The following MCC variants were observed in gnomAD, a reference collection of about 807,000 sequenced individuals.
MCC encodes the protein MCC regulator of Wnt signaling pathway.
MCC carries 90 observed loss-of-function variants against 116.2 expected under a neutral mutation model. The observed-to-expected ratio is 0.77, with a 90% confidence interval of 0.65 to 0.92. The LOEUF (loss-of-function observed/expected upper bound fraction) is 0.92. MCC is among the 40% of genes least tolerant of loss of function. The pLI, the probability that MCC is intolerant of heterozygous loss-of-function variation, is 0.00. For synonymous variants in MCC, 578 were observed against 510.5 expected (o/e 1.13, Z -1.78); for missense variants, 1,516 against 1,312.2 (o/e 1.16, Z -2.40).
chr5:113,378,688 G>A (rs1422137751), intron 2 of MCC, among the ~76,000 whole-genome samples: 1 of 152,168 alleles, frequency 6.6e-6, no homozygotes, highest in Non-Finnish European at 1.5e-5. Flanking sequence ...GGCAATCCCT[G>A]CCCCTTCAGT....
chr5:113,169,625 C>G (rs193084876), intron 3 of MCC, among the ~76,000 whole-genome samples: 1 of 151,850 alleles, frequency 6.6e-6, no homozygotes, highest in African/African-American at 2.4e-5. Flanking sequence ...TTCAGAAGCT[C>G]TATATGGGGT....
intron 3 of MCC, among the ~76,000 whole-genome samples, chr5:113,265,998 G>C (rs1438885107): frequency 6.6e-6 from 1 of 152,102 alleles, no homozygotes; most frequent in African/African-American, 2.4e-5. Context: ...AATTTAGGAA[G>C]AGAGACAGTA....
chr5:113,417,955 A>G (rs972151813), intron 1 of MCC, among the ~76,000 whole-genome samples: 2 of 152,158 alleles, frequency 1.3e-5, no homozygotes, highest in African/African-American at 4.8e-5. Context: ...AAAGTCATAC[A>G]AAAGTGAAAA....
chr5:113,429,979 C>T (rs534518934), intron 1 of MCC, among the ~76,000 whole-genome samples: 1 of 152,298 alleles, frequency 6.6e-6, no homozygotes, highest in African/African-American at 2.4e-5. Context: ...TCACAACAGT[C>T]ACTGTGATCT....
chr5:113,101,883 C>T lies in MCC; in HGVS notation c.1254G>A (p.Arg418=), dbSNP rs944850994. The T allele has an allele frequency of 2.5e-6, 4 of 1,614,054 alleles. No homozygotes were observed. The highest frequency in any genetic ancestry group is 2.5e-6 in the Non-Finnish European group (3 of 1,180,048). The part of the protein sequence containing the change: ...RDLYPNLAEE[R]SRWEKELAGL... ...CAGCCAGCTCCTTCTCCCACCGAGA[C>T]CTCTCTTCAGCCAGGTTGGGATACA... Residue 418 remains arginine, a synonymous_variant, in exon 8 of 19, where the codon AGG becomes AGA. Transcript: ENST00000408903.
intron 3 of MCC, among the ~76,000 whole-genome samples, chr5:113,220,423 G>T (rs1763506512): frequency 6.6e-6 from 1 of 152,018 alleles, no homozygotes; most frequent in Admixed American, 6.6e-5. Flanking sequence ...TCAATTGAGA[G>T]AATTTATATC....
intron 3 of MCC, among the ~76,000 whole-genome samples, chr5:113,194,493 T>A (rs1762297246): frequency 6.6e-6 from 1 of 152,038 alleles, no homozygotes; most frequent in South Asian, 2.1e-4. Context: ...AGTAAGAATC[T>A]GTCTGTACAA....
chr5:113,023,850 G>A lies in MCC; in HGVS notation c.*3452C>T, dbSNP rs189837364. 4.6e-5 allele frequency: 7 copies of A among 152,290 alleles called. No individual in the cohort carries two copies. The East Asian group carries it at 7.7e-4, about 17-fold the overall frequency. 9.4% of individuals were successfully genotyped at this position (152,290 alleles called of 1,614,324 possible). ...AAAAAGTGATTGCTTTATAATTCTC[G>A]TGGGCCATAGGAAACACCTTCAGAA... On this transcript the variant is annotated 3_prime_UTR_variant, in exon 19 of 19. Coordinates refer to ENST00000408903, the MANE Select transcript of MCC (RefSeq NM_001085377.2).
At chr5:113,105,422 GC>G (rs1347976677) in intron 6 of MCC, among the ~76,000 whole-genome samples, 8 of 152,160 alleles carry the variant, frequency 5.3e-5, no homozygotes, top group African/African-American at 1.9e-4. Context: ...TCATCTGGTT[GC>G]CTCTATTTGT....
chr5:113,224,000 T>C (rs1763643876), intron 3 of MCC, among the ~76,000 whole-genome samples: 1 of 152,158 alleles, frequency 6.6e-6, no homozygotes, highest in South Asian at 2.1e-4. Flanking sequence ...CAACACTTCC[T>C]GGGACTCACC....
At position 113,143,242 on chromosome 5, in the gene MCC, T is replaced by C. The variant is rs944671453; in HGVS notation, c.860A>G (p.Asp287Gly). ...CCTGATGGTGGTGCCTTGCAGACGG[T>C]CTATCTTCTTGTTGAGCTCCGCAAT... is the stretch of plus-strand genomic sequence containing the variant. ...SVIAELNKKI[D>G]RLQGTTIREE... The change falls in exon 5 of 19, where the codon GAC becomes GGC. Residue 287 changes from aspartate to glycine, a missense_variant. Asp to Gly is a moderately conservative substitution (Grantham distance 94). Coordinates refer to ENST00000408903, the MANE Select transcript of MCC (RefSeq NM_001085377.2). 17 of 1,609,172 alleles carry C rather than the reference T, an allele frequency of 1.1e-5. No individual in the cohort carries two copies. Among genetic ancestry groups the C allele is most frequent in the Non-Finnish European group, 1.4e-5 (17 of 1,178,266 alleles).
chr5:113,051,415 A>T, intron 15 of MCC, among the ~76,000 whole-genome samples: 1 of 152,202 alleles, frequency 6.6e-6, no homozygotes, highest in East Asian at 1.9e-4. Flanking sequence ...TGAAGGGATA[A>T]GATGTTCAAA....
At chr5:113,444,859 G>T (rs1438175358) in intron 1 of MCC, among the ~76,000 whole-genome samples, 2 of 152,066 alleles carry the variant, frequency 1.3e-5, no homozygotes, top group African/African-American at 2.4e-5. Flanking sequence ...TTTAAAAGTG[G>T]GCTTTACCAC....
At chr5:113,159,661 G>C (rs1760373069) in intron 3 of MCC, among the ~76,000 whole-genome samples, 1 of 152,118 alleles carries the variant, frequency 6.6e-6, no homozygotes, top group South Asian at 2.1e-4. Flanking sequence ...TCCCATCCAA[G>C]ACTCCACACC....
At chr5:113,212,477 A>G (rs1206561241) in intron 3 of MCC, among the ~76,000 whole-genome samples, 1 of 152,172 alleles carries the variant, frequency 6.6e-6, no homozygotes, top group Admixed American at 6.5e-5. Flanking sequence ...TCACACCGAA[A>G]AAAAAAGATC....
chr5:113,381,706 T>G (rs1769127106), intron 2 of MCC, among the ~76,000 whole-genome samples: 1 of 152,126 alleles, frequency 6.6e-6, no homozygotes, highest in South Asian at 2.1e-4. Context: ...GAGGATCACT[T>G]GAGTCCAGGA....
At chr5:113,469,648 AT>A (rs1477377849) in intron 1 of MCC, among the ~76,000 whole-genome samples, 1 of 152,180 alleles carries the variant, frequency 6.6e-6, no homozygotes, top group Non-Finnish European at 1.5e-5. Context: ...GCTGAAAAGA[AT>A]GTATATTCTG....
intron 2 of MCC, among the ~76,000 whole-genome samples, chr5:113,373,291 T>C (rs367694608): frequency 6.6e-6 from 1 of 152,166 alleles, no homozygotes; most frequent in Non-Finnish European, 1.5e-5. Context: ...CAATTCTGCA[T>C]GTGACATACT....
At position 113,170,769 on chromosome 5, in the gene MCC, G is replaced by A. The variant is rs138004419; in HGVS notation, c.628-19347C>T. ...TAGACTTTTCGTGATGTGGTCAGTAGTTACAGTATAAGCAAGCAACTCATA... is the reference window on the plus strand; with the variant it reads ...TAGACTTTTCGTGATGTGGTCAGTAATTACAGTATAAGCAAGCAACTCATA... On this transcript the variant is annotated intron_variant, in intron 3 of 18. Transcript: ENST00000408903. Among the ~76,000 whole-genome samples, 1,011 of 152,238 alleles carry A rather than the reference G, an allele frequency of 6.6e-3. 4 individuals are homozygous for A. The highest frequency in any genetic ancestry group is 0.02 in the Middle Eastern group (6 of 294).
Sources: gnomAD v4.1 joint callset for allele counts (sites outside exome capture counted in the v4.1 genomes callset) on GRCh38, gnomAD v4.1.1 for gene constraint, MANE v1.5 for transcripts, NCBI Gene and HGNC (gene_info 2026-07-23, HGNC 2026-07-21) for gene names.